Variants in SEPTIN14 observed in about 807,000 individuals in gnomAD.
The protein encoded by SEPTIN14 is septin-14.
Under a neutral mutation model 53.6 loss-of-function variants are expected in SEPTIN14, and 40 were observed. That is an observed-to-expected ratio of 0.75 (90% CI 0.58 to 0.97). The LOEUF (loss-of-function observed/expected upper bound fraction) is 0.97. SEPTIN14 is among the 50% of genes least tolerant of loss of function. The pLI is 0.00. For missense variants in SEPTIN14, 471 were observed against 508.2 expected, an observed-to-expected ratio of 0.93 and a Z score of 0.70; for synonymous variants, 138 against 166.8, an observed-to-expected ratio of 0.83 and a Z score of 1.33.
intron 7 of SEPTIN14, among the ~76,000 whole-genome samples, chr7:55,812,647 T>A (rs1053983566): frequency 3.9e-5 from 6 of 152,038 alleles, no homozygotes; most frequent in Non-Finnish European, 8.8e-5. Flanking sequence ...AAACACCAAA[T>A]TGAACAAATA....
rs1158685502 is a variant in SEPTIN14, at chr7:55,819,458, G to A, written c.721-235C>T. On this transcript the variant is annotated intron_variant, in intron 6 of 9. Transcript: ENST00000388975. Reference sequence around the variant, plus strand: ...CAAAAAATTAGCCGGGCATGGTGGCGGGCGCCTGTAGTCCCAGCTACTCGG... The same window carrying A: ...CAAAAAATTAGCCGGGCATGGTGGCAGGCGCCTGTAGTCCCAGCTACTCGG... 3.3e-5 allele frequency among the ~76,000 whole-genome samples: 5 copies of A among 151,944 alleles called. No homozygotes were observed. The South Asian group carries it at 6.2e-4, about 19-fold the overall frequency.
intron 2 of SEPTIN14, among the ~76,000 whole-genome samples, chr7:55,859,325 T>C (rs1482640378): frequency 6.6e-6 from 1 of 152,176 alleles, no homozygotes; most frequent in South Asian, 2.1e-4. Context: ...ATATAGAAAT[T>C]CAGTTTTCCT....
At chr7:55,860,047 C>T (rs1269642257) in intron 2 of SEPTIN14, among the ~76,000 whole-genome samples, 8 of 152,044 alleles carry the variant, frequency 5.3e-5, no homozygotes, top group African/African-American at 1.9e-4. Context: ...GGCATGGTGG[C>T]GCATGCCTGT....
In SEPTIN14 at chr7:55,843,258, G is replaced by T. The variant is rs1251140452; in HGVS notation, c.372-130C>A. The T allele has an allele frequency of 2.3e-5, 12 of 514,254 alleles. No homozygotes were observed. The East Asian group carries it at 3.7e-4, about 16-fold the overall frequency. 31.9% of individuals were successfully genotyped at this position (514,254 alleles called of 1,614,324 possible). A position where few individuals can be genotyped will look rare whatever the true frequency, so the allele number is the denominator to read the frequency against. On this transcript the variant is annotated intron_variant, in intron 4 of 9. Coordinates refer to ENST00000388975, the MANE Select transcript of SEPTIN14 (RefSeq NM_207366.3). ...GTGATGAAGAAAAAGTTCATAACAT[G>T]TCCATACAAAGATATTAATTCTAAA...
intron 2 of SEPTIN14, among the ~76,000 whole-genome samples, chr7:55,852,591 G>T (rs1179558392): frequency 1.3e-5 from 2 of 152,106 alleles, no homozygotes; most frequent in Admixed American, 1.3e-4. Context: ...CCTACTAAAA[G>T]AAAAGATTGG....
chr7:55,823,257 T>C (rs1788927393), intron 6 of SEPTIN14, among the ~76,000 whole-genome samples: 2 of 152,318 alleles, frequency 1.3e-5, no homozygotes, highest in South Asian at 4.1e-4. Context: ...TGCCCACCTT[T>C]GGGTGGTGCC....
chr7:55,816,370 CAAAG>C (rs1236584606), intron 7 of SEPTIN14, among the ~76,000 whole-genome samples: 1 of 151,798 alleles, frequency 6.6e-6, no homozygotes, highest in Non-Finnish European at 1.5e-5. Context: ...GTTTGTGACA[CAAAG>C]AAAGGATAAA....
chr7:55,842,907 CAAA>C, intron 5 of SEPTIN14, 32 bp downstream of exon 5: 8 of 1,073,666 alleles, frequency 7.5e-6, no homozygotes, highest in South Asian at 1.9e-5. Flanking sequence ...GACTCCGTCT[CAAA>C]AAAAAAAAGA....
intron 2 of SEPTIN14, among the ~76,000 whole-genome samples, chr7:55,857,626 C>G (rs1315712329): frequency 9.2e-6 from 1 of 108,428 alleles, no homozygotes; most frequent in African/African-American, 3.7e-5. Flanking sequence ...GTCTCGCTGT[C>G]GCCCAGGCTG....
chr7:55,848,581 T>G (rs1442784358), intron 2 of SEPTIN14, among the ~76,000 whole-genome samples: 1 of 150,710 alleles, frequency 6.6e-6, no homozygotes, highest in African/African-American at 2.4e-5. Context: ...CAAGCTTGAG[T>G]CACTGAGCCC....
At chr7:55,844,084 C>T (rs899550961) in intron 4 of SEPTIN14, among the ~76,000 whole-genome samples, 1 of 152,066 alleles carries the variant, frequency 6.6e-6, no homozygotes, top group Non-Finnish European at 1.5e-5. Flanking sequence ...CTGCAGTGAG[C>T]CAAGCTTGTG....
chr7:55,798,664 T>G (rs1282437615), intron 9 of SEPTIN14: 1 of 311,416 alleles, frequency 3.2e-6, no homozygotes, highest in Non-Finnish European at 6.4e-6. Flanking sequence ...CACCAGGCTC[T>G]GGCAGGGCCC....
intron 3 of SEPTIN14, among the ~76,000 whole-genome samples, chr7:55,845,390 A>C (rs184603022): frequency 6.6e-6 from 1 of 152,274 alleles, no homozygotes; most frequent in Admixed American, 6.5e-5. Flanking sequence ...AAAGAATGAG[A>C]TCATGTCCTT....
At chr7:55,813,253 G>C (rs2115979484) in intron 7 of SEPTIN14, among the ~76,000 whole-genome samples, 2 of 152,224 alleles carry the variant, frequency 1.3e-5, no homozygotes, top group Middle Eastern at 6.8e-3. Context: ...CCTGGCCAAA[G>C]GGAGCATTTA....
At chr7:55,858,848 A>G (rs1789694354) in intron 2 of SEPTIN14, among the ~76,000 whole-genome samples, 1 of 151,994 alleles carries the variant, frequency 6.6e-6, no homozygotes, top group Non-Finnish European at 1.5e-5. Flanking sequence ...ACACTATAGC[A>G]ACATCAAATC....
At position 55,841,853 on chromosome 7, in the gene SEPTIN14, C is replaced by CAA. The variant is rs58433679; in HGVS notation, c.558+1087_558+1088dup. 6.1e-3 allele frequency among the ~76,000 whole-genome samples: 448 copies of CAA among 73,378 alleles called. 4 individuals are homozygous for CAA. The highest frequency in any genetic ancestry group is 0.02 in the Middle Eastern group (2 of 98). 48.1% of individuals were successfully genotyped at this position (73,378 alleles called of 152,430 possible). A position where few individuals can be genotyped will look rare whatever the true frequency, so the allele number is the denominator to read the frequency against. ...CTGGGCAACAAGAATGAAACTCCGC[C>CAA]AAAAAAAAAAAAAAAAAAAAAAATT... On this transcript the variant is annotated intron_variant, in intron 5 of 9. Coordinates refer to ENST00000388975, the MANE Select transcript of SEPTIN14 (RefSeq NM_207366.3).
At chr7:55,822,933 A>G (rs1788922777) in intron 6 of SEPTIN14, among the ~76,000 whole-genome samples, 2 of 151,614 alleles carry the variant, frequency 1.3e-5, no homozygotes, top group Admixed American at 6.6e-5. Context: ...GCCCTCCTGC[A>G]CAAATAACTC....
chr7:55,850,485 G>A (rs866198384), intron 2 of SEPTIN14, among the ~76,000 whole-genome samples: 2 of 151,730 alleles, frequency 1.3e-5, no homozygotes, highest in East Asian at 1.9e-4. Context: ...ACAAACAAAC[G>A]AACAAAAAAC....
intron 6 of SEPTIN14, among the ~76,000 whole-genome samples, chr7:55,833,193 T>C (rs1470613373): frequency 2.0e-5 from 3 of 151,898 alleles, no homozygotes; most frequent in African/African-American, 7.3e-5. Context: ...CGCACGCCTG[T>C]AGTCCCAGCT....
Sources: allele counts gnomAD v4.1 joint callset (sites outside exome capture counted in the v4.1 genomes callset), GRCh38; gene constraint gnomAD v4.1.1; transcripts MANE v1.5; gene names NCBI Gene and HGNC (gene_info 2026-07-23, HGNC 2026-07-21).